Variants in NRXN3 observed in about 807,000 individuals in gnomAD.
The protein encoded by NRXN3 is neurexin 3.
NRXN3 carries 32 observed loss-of-function variants against 137.6 expected under a neutral mutation model. The ratio of observed to expected loss-of-function variants is 0.23; its 90% CI spans 0.18 to 0.31. NRXN3 has a LOEUF of 0.31. Ranked by LOEUF, NRXN3 falls within the 10% of genes least tolerant of loss-of-function variation. NRXN3 has a pLI of 1.00. For synonymous variants in NRXN3, 798 were observed against 784.5 expected, an observed-to-expected ratio of 1.02 and a Z score of -0.29; for missense variants, 1,574 against 2,062.5, an observed-to-expected ratio of 0.76 and a Z score of 4.59.
intron 4 of NRXN3, among the ~76,000 whole-genome samples, chr14:78,306,507 T>C (rs1430909716): frequency 3.9e-5 from 6 of 152,188 alleles, no homozygotes; most frequent in Non-Finnish European, 7.4e-5. Context: ...GAAAGAGTAG[T>C]CTGATGGAAA....
intron 19 of NRXN3, among the ~76,000 whole-genome samples, chr14:79,700,118 G>C (rs1239048862): frequency 1.3e-5 from 2 of 151,982 alleles, no homozygotes; most frequent in Non-Finnish European, 2.9e-5. Context: ...ACATTCTGTT[G>C]ATCACATCAA....
At chr14:78,357,310 C>T (rs1391855604) in intron 4 of NRXN3, among the ~76,000 whole-genome samples, 3 of 152,082 alleles carry the variant, frequency 2.0e-5, no homozygotes, top group South Asian at 2.1e-4. Context: ...TCGGATCTCA[C>T]GAAACTCATT....
rs894351160 is a variant in NRXN3 at position 78,214,980 on chromosome 14, G to A, written c.-703-27411G>A. Among the ~76,000 whole-genome samples, 19 of 152,262 alleles carry A rather than the reference G, an allele frequency of 1.2e-4. 1 individual carries two copies. The highest frequency in any genetic ancestry group is 2.2e-4 in the African/African-American group (9 of 41,554). On this transcript the variant is annotated intron_variant, in intron 1 of 20. Coordinates refer to ENST00000335750, the MANE Select transcript of NRXN3 (RefSeq NM_001330195.2). ...CATTAACCTGTAGGACTCTTTCTTCGTCTGTAAAATGGGGGTGGTCATGTG... is the reference window on the plus strand; with the variant it reads ...CATTAACCTGTAGGACTCTTTCTTCATCTGTAAAATGGGGGTGGTCATGTG...
intron 4 of NRXN3, chr14:78,300,714 C>T (rs2076791371): frequency 6.7e-7 from 1 of 1,481,640 alleles, no homozygotes; most frequent in South Asian, 1.2e-5. Flanking sequence ...TTATTTTTAT[C>T]ATTATAACTA....
At chr14:79,853,447 GA>G in intron 20 of NRXN3, 1 of 479,556 alleles carries the variant, frequency 2.1e-6, no homozygotes, top group South Asian at 3.2e-5. Flanking sequence ...GGGTGTGTGA[GA>G]TTGTCAGTGT....
intron 16 of NRXN3, among the ~76,000 whole-genome samples, chr14:79,512,717 TA>T (rs1327018246): frequency 6.6e-6 from 1 of 152,192 alleles, no homozygotes; most frequent in Non-Finnish European, 1.5e-5. Context: ...TTGGAAGGTA[TA>T]ATTAATATGT....
chr14:78,515,691 G>C (rs2096194118), intron 4 of NRXN3, among the ~76,000 whole-genome samples: 1 of 152,052 alleles, frequency 6.6e-6, no homozygotes, highest in African/African-American at 2.4e-5. Flanking sequence ...TAGGGGATGT[G>C]CCACTGGGGC....
Position 79,038,065 on chromosome 14 carries a change from T to C in NRXN3, c.3262+49924T>C, listed in dbSNP as rs1208689502. On this transcript the variant is annotated intron_variant, in intron 15 of 20. Transcript: ENST00000335750. Reference sequence around the variant, plus strand: ...ATTCTATGAAGGGGGTGTGTATGAATATTTGTAAATCCATGTAATTATTAA... The same window carrying C: ...ATTCTATGAAGGGGGTGTGTATGAACATTTGTAAATCCATGTAATTATTAA... Among the ~76,000 whole-genome samples, 4 of 152,134 alleles carry C rather than the reference T, an allele frequency of 2.6e-5. No individual in the cohort carries two copies. In the East Asian group the frequency reaches 7.7e-4, roughly 29 times the overall value.
intron 10 of NRXN3, among the ~76,000 whole-genome samples, chr14:78,908,925 C>T (rs760460358): frequency 5.9e-5 from 9 of 152,128 alleles, no homozygotes; most frequent in Non-Finnish European, 1.2e-4. Context: ...CCTACTATGG[C>T]AGACCATCCA....
chr14:78,412,348 A>C (rs988011543), intron 4 of NRXN3, among the ~76,000 whole-genome samples: 1 of 152,202 alleles, frequency 6.6e-6, no homozygotes, highest in East Asian at 1.9e-4. Flanking sequence ...CATCCCAGCC[A>C]ACATAATGGC....
intron 15 of NRXN3, among the ~76,000 whole-genome samples, chr14:79,250,025 C>T (rs2075722738): frequency 6.6e-6 from 1 of 152,188 alleles, no homozygotes; most frequent in Non-Finnish European, 1.5e-5. Flanking sequence ...AGAGAGCTGT[C>T]AAGTCACTCA....
chr14:78,655,850 A>T (rs780627954), intron 6 of NRXN3, among the ~76,000 whole-genome samples: 12 of 152,190 alleles, frequency 7.9e-5, no homozygotes, highest in Non-Finnish European at 1.3e-4. Flanking sequence ...GTCTAAGAAC[A>T]GTGTGCCAGC....
intron 15 of NRXN3, among the ~76,000 whole-genome samples, chr14:79,376,794 A>T (rs942542076): frequency 3.9e-5 from 6 of 152,172 alleles, no homozygotes; most frequent in Admixed American, 2.0e-4. Flanking sequence ...ATGCATATGG[A>T]TAGATGTTTC....
In NRXN3 at chr14:78,419,960, C is replaced by T. The variant is rs953985837; in HGVS notation, c.757+122100C>T. 9.5e-5 allele frequency among the ~76,000 whole-genome samples: 4 copies of T among 42,278 alleles called. No individual in the cohort carries two copies. The South Asian group carries it at 4.1e-3, about 43-fold the overall frequency. 27.7% of individuals were successfully genotyped at this position (42,278 alleles called of 152,430 possible). On this transcript the variant is annotated intron_variant, in intron 4 of 20. Transcript: ENST00000335750. ...GCACGTGTGTGCGCGCGCGCGCGCA[C>T]GCACACACACACACACACACACACA...
At chr14:78,658,094 T>G (rs1323900777) in intron 6 of NRXN3, among the ~76,000 whole-genome samples, 10 of 152,214 alleles carry the variant, frequency 6.6e-5, no homozygotes, top group African/African-American at 2.4e-4. Flanking sequence ...GCAGGTGAAT[T>G]TAGGTCATAG....
rs148224347 is a variant in NRXN3 at position 79,195,254 on chromosome 14, A to G, written c.3262+207113A>G. On this transcript the variant is annotated intron_variant, in intron 15 of 20. Transcript: ENST00000335750. Reference sequence around the variant, plus strand: ...TCAAGGGGTGGACTTCCTGATCTCTACCACTTGCCATCATCTATCTCTCCA... The same window carrying G: ...TCAAGGGGTGGACTTCCTGATCTCTGCCACTTGCCATCATCTATCTCTCCA... Among the ~76,000 whole-genome samples, 277 of 152,242 alleles carry G rather than the reference A, an allele frequency of 1.8e-3. 2 individuals carry two copies. Among genetic ancestry groups the G allele is most frequent in the African/African-American group, 5.8e-3 (240 of 41,558 alleles).
intron 15 of NRXN3, among the ~76,000 whole-genome samples, chr14:79,363,323 T>G (rs1270902922): frequency 6.6e-6 from 1 of 152,208 alleles, no homozygotes; most frequent in Non-Finnish European, 1.5e-5. Flanking sequence ...TTTTGATATT[T>G]CCTAGAGCAG....
At chr14:79,026,806 G>A (rs2099598677) in intron 15 of NRXN3, among the ~76,000 whole-genome samples, 1 of 151,652 alleles carries the variant, frequency 6.6e-6, no homozygotes, top group Non-Finnish European at 1.5e-5. Context: ...ATCACACACA[G>A]GAACCCTGCT....
At chr14:79,325,755 C>T (rs1014179917) in intron 15 of NRXN3, among the ~76,000 whole-genome samples, 1 of 152,138 alleles carries the variant, frequency 6.6e-6, no homozygotes, top group African/African-American at 2.4e-5. Context: ...GCATGCAGCG[C>T]TGTAGGCAAC....
Sources: allele counts gnomAD v4.1 joint callset (sites outside exome capture counted in the v4.1 genomes callset), GRCh38; gene constraint gnomAD v4.1.1; transcripts MANE v1.5; gene names NCBI Gene and HGNC (gene_info 2026-07-23, HGNC 2026-07-21).